PDS5A: variants seen among roughly 807,000 people sequenced by gnomAD.
The protein encoded by PDS5A is PDS5 cohesin associated factor A.
In PDS5A, 42 loss-of-function variants were observed where a neutral mutation model predicts 167.1. The observed-to-expected ratio is 0.25, with a 90% CI of 0.20 to 0.33. The LOEUF is 0.33. Ranked by LOEUF, PDS5A falls within the 10% of genes least tolerant of loss-of-function variation. The probability of loss-of-function intolerance (pLI) is 1.00; values close to 1 mark genes in which losing one functional copy is unlikely to be tolerated. For synonymous variants in PDS5A, 553 were observed against 554.6 expected, an observed-to-expected ratio of 1.00 and a Z score of 0.04; for missense variants, 1,033 against 1,605.9, an observed-to-expected ratio of 0.64 and a Z score of 6.10.
At chr4:39,886,283 T>C (rs1721468698) in intron 17 of PDS5A, among the ~76,000 whole-genome samples, 1 of 152,250 alleles carries the variant, frequency 6.6e-6, no homozygotes, top group South Asian at 2.1e-4. Flanking sequence ...CTCATATTGC[T>C]TTGGCTATTT....
At chr4:39,917,510 C>G (rs911980287) in intron 7 of PDS5A, among the ~76,000 whole-genome samples, 1 of 152,108 alleles carries the variant, frequency 6.6e-6, no homozygotes. Flanking sequence ...CTGTGTAGTT[C>G]ATTACAAAGG....
At chr4:39,893,830 T>C (rs894166499) in intron 16 of PDS5A, among the ~76,000 whole-genome samples, 5 of 152,170 alleles carry the variant, frequency 3.3e-5, no homozygotes, top group Non-Finnish European at 7.3e-5. Context: ...GGAAAGAAGG[T>C]ATAATGAACT....
intron 26 of PDS5A, 61 bp downstream of exon 26, chr4:39,862,158 T>A (rs539736444): frequency 1.7e-6 from 1 of 592,222 alleles, no homozygotes; most frequent in Admixed American, 3.5e-5. Context: ...AAACAAAAAA[T>A]TTACCATTTT....
intron 11 of PDS5A, among the ~76,000 whole-genome samples, chr4:39,907,404 A>G (rs10031827): frequency 0.24 from 37,177 of 151,866 alleles, 4,969 homozygotes; most frequent in East Asian, 0.44. Context: ...TTTGCAGACG[A>G]AAGTAATTTT....
At position 39,835,056 on chromosome 4, in the gene PDS5A, T is replaced by C. The variant is rs534093843; in HGVS notation, c.4010+2800A>G. On this transcript the variant is annotated intron_variant, in intron 32 of 32. Transcript: ENST00000303538. ...CACAATCTCTGCTCACTGCAAACTC[T>C]ACCTCCCGGGTAGCTGAGATTACAG... Among the ~76,000 whole-genome samples the C allele has an allele frequency of 3.9e-5, 6 of 152,272 alleles. No individual in the cohort carries two copies. In the East Asian group the frequency reaches 1.2e-3, roughly 29 times the overall value.
intron 15 of PDS5A, 31 bp downstream of exon 15, chr4:39,898,745 TA>T: frequency 7.2e-7 from 1 of 1,388,762 alleles, no homozygotes; most frequent in Non-Finnish European, 1.0e-6. Flanking sequence ...TTACGTTTAC[TA>T]CATGTTTAGT....
chr4:39,914,255 G>A (rs1240184607), intron 8 of PDS5A, among the ~76,000 whole-genome samples: 2 of 146,288 alleles, frequency 1.4e-5, no homozygotes, highest in Admixed American at 7.2e-5. Flanking sequence ...TCTGCCTCCC[G>A]GGTTCAAGAG....
intron 2 of PDS5A, among the ~76,000 whole-genome samples, chr4:39,935,517 T>G (rs1378059928): frequency 6.6e-6 from 1 of 152,240 alleles, no homozygotes; most frequent in East Asian, 1.9e-4. Context: ...CAAGCCTCAT[T>G]TCTAGAAAAG....
At position 39,908,495 on chromosome 4, in the gene PDS5A, T is replaced by C. The variant is rs765201673; in HGVS notation, c.1133A>G (p.His378Arg). 1 of 1,598,726 alleles carries C rather than the reference T, an allele frequency of 6.3e-7. No individual in the cohort carries two copies. The highest frequency in any genetic ancestry group is 8.6e-7 in the Non-Finnish European group (1 of 1,166,052). Reference sequence around the variant, plus strand: ...TGTTATTATAGTAACAATGACATCATGACGAATAGCTTCTTCTGGATCATG... The same window carrying C: ...TGTTATTATAGTAACAATGACATCACGACGAATAGCTTCTTCTGGATCATG... ...RSHDPEEAIR[H>R]DVIVTIITAA... The change falls in exon 11 of 33, where the codon CAT (histidine) becomes CGT (arginine). Residue 378 changes from histidine to arginine, a missense_variant. By Grantham distance (29) the His-to-Arg change is conservative (BLOSUM62 0). This residue lies in a region of PDS5A where 388 missense variants were observed against 615.1 expected (regional missense o/e 0.63). Transcript: ENST00000303538.
chr4:39,834,030 C>T (rs1487110122), intron 32 of PDS5A, among the ~76,000 whole-genome samples: 1 of 152,076 alleles, frequency 6.6e-6, no homozygotes, highest in East Asian at 1.9e-4. Context: ...CATGGCTTTA[C>T]CAGTACAATC....
intron 2 of PDS5A, among the ~76,000 whole-genome samples, chr4:39,937,197 G>A (rs987908312): frequency 3.9e-5 from 6 of 151,934 alleles, no homozygotes; most frequent in African/African-American, 1.5e-4. Flanking sequence ...TAATTTAAGT[G>A]ACCAGCCCCA....
chr4:39,840,351 A>G (rs987760967), intron 31 of PDS5A, among the ~76,000 whole-genome samples: 3 of 152,164 alleles, frequency 2.0e-5, no homozygotes. Context: ...AAAGATCAAC[A>G]AAGTCGTCAA....
chr4:39,940,677 T>C (rs1160857544), intron 2 of PDS5A, among the ~76,000 whole-genome samples: 1 of 151,872 alleles, frequency 6.6e-6, no homozygotes, highest in Admixed American at 6.6e-5. Flanking sequence ...TTTTAATTTT[T>C]TGGAGACAGG....
chr4:39,857,351 C>CAAAAAAA (rs1188060445), intron 26 of PDS5A, among the ~76,000 whole-genome samples: 1 of 67,796 alleles, frequency 1.5e-5, no homozygotes, highest in African/African-American at 5.3e-5. Context: ...GACTCCATCT[C>CAAAAAAA]AAAAAAAAAA....
intron 28 of PDS5A, 176 bp from the exon 29 acceptor site, chr4:39,846,056 T>C: frequency 9.5e-6 from 5 of 525,376 alleles, no homozygotes; most frequent in Non-Finnish European, 1.1e-5. Context: ...ACCATAAGTC[T>C]AGCTTTAAAT....
chr4:39,900,070 C>T (rs1722746952), intron 14 of PDS5A, among the ~76,000 whole-genome samples: 1 of 151,830 alleles, frequency 6.6e-6, no homozygotes, highest in Non-Finnish European at 1.5e-5. Context: ...ATCTGATATT[C>T]ACTCTACACT....
intron 2 of PDS5A, among the ~76,000 whole-genome samples, chr4:39,958,900 C>T (rs904489794): frequency 6.6e-6 from 1 of 152,142 alleles, no homozygotes; most frequent in Non-Finnish European, 1.5e-5. Context: ...TGAGCCACTG[C>T]GCCCTGCTGT....
intron 16 of PDS5A, among the ~76,000 whole-genome samples, chr4:39,897,119 G>A (rs965108866): frequency 1.2e-4 from 18 of 152,070 alleles, no homozygotes; most frequent in African/African-American, 4.3e-4. Flanking sequence ...TTTTGCCTGG[G>A]TGTGTGGCTC....
intron 32 of PDS5A, among the ~76,000 whole-genome samples, chr4:39,832,848 A>C (rs1180008312): frequency 3.3e-5 from 5 of 151,870 alleles, no homozygotes; most frequent in East Asian, 3.9e-4. Context: ...ACAGAGTGAG[A>C]CTGGTCTCTC....
Sources: gnomAD v4.1 joint callset for allele counts (sites outside exome capture counted in the v4.1 genomes callset) on GRCh38, gnomAD v4.1.1 for gene constraint, gnomAD v4.1.1 regional missense constraint, MANE v1.5 for transcripts, NCBI Gene and HGNC (gene_info 2026-07-23, HGNC 2026-07-21) for gene names.